The following UBAP1 variants were observed in gnomAD, a reference collection of about 807,000 sequenced individuals.
UBAP1 encodes ubiquitin-associated protein 1.
Under a neutral mutation model 39.0 loss-of-function variants are expected in UBAP1, and 5 were observed. The ratio of observed to expected loss-of-function variants is 0.13; its 90% CI spans 0.07 to 0.27. The LOEUF is 0.27. Ranked by LOEUF, UBAP1 falls within the 10% of genes least tolerant of loss-of-function variation. The pLI is 1.00. For synonymous variants in UBAP1, 211 were observed against 225.1 expected, an observed-to-expected ratio of 0.94 and a Z score of 0.56; for missense variants, 490 against 608.1, an observed-to-expected ratio of 0.81 and a Z score of 2.04.
chr9:34,185,559 A>G (rs907205216), intron 1 of UBAP1, among the ~76,000 whole-genome samples: 1 of 151,716 alleles, frequency 6.6e-6, no homozygotes, highest in Admixed American at 6.6e-5. Context: ...AAAAGAAATA[A>G]TCTCGGGCGG....
rs181247685 is a variant in UBAP1, at chr9:34,181,573, C to T, written c.-8+2333C>T. 3.5e-3 allele frequency among the ~76,000 whole-genome samples: 528 copies of T among 150,500 alleles called. 23 individuals are homozygous for T. The highest frequency in any genetic ancestry group is 0.013 in the African/African-American group (509 of 40,578). ...TCAGCCTCCTGAGTAGCTGGGACTA[C>T]GGGCTCCCGCCACCACGCCCGGCTA... On this transcript the variant is annotated intron_variant, in intron 1 of 6. Coordinates refer to ENST00000297661, the MANE Select transcript of UBAP1 (RefSeq NM_016525.5).
chr9:34,251,694 A>G lies in UBAP1; in HGVS notation c.*162A>G, dbSNP rs2131641071. 1 of 774,386 alleles carries G rather than the reference A, an allele frequency of 1.3e-6. No homozygotes were observed. The highest frequency in any genetic ancestry group is 2.0e-6 in the Non-Finnish European group (1 of 498,850). 48.0% of individuals were successfully genotyped at this position (774,386 alleles called of 1,614,324 possible). ...CCAGTCTCTGTGAGCCTAGGCCCTG[A>G]GCTGGGGAGGTGGGGAAGATTCGGG... is the stretch of plus-strand genomic sequence containing the variant. On this transcript the variant is annotated 3_prime_UTR_variant, in exon 7 of 7. Transcript: ENST00000297661.
At chr9:34,215,690 TAAA>T (rs531313913) in intron 1 of UBAP1, among the ~76,000 whole-genome samples, 2 of 150,868 alleles carry the variant, frequency 1.3e-5, no homozygotes, top group Admixed American at 6.6e-5. Flanking sequence ...AAATAAATAA[TAAA>T]AAAAGGGTTT....
At chr9:34,241,116 G>GTGAAT in intron 3 of UBAP1, 69 bp from the exon 4 acceptor site, 1 of 1,150,216 alleles carries the variant, frequency 8.7e-7, no homozygotes, top group Non-Finnish European at 1.2e-6. Context: ...TGAGGAAGGA[G>GTGAAT]TGAATTGGGT....
intron 2 of UBAP1, among the ~76,000 whole-genome samples, chr9:34,225,675 G>T (rs1833007962): frequency 6.6e-6 from 1 of 151,698 alleles, no homozygotes; most frequent in Non-Finnish European, 1.5e-5. Context: ...AGCTACTTGG[G>T]AGGCTGAGGC....
intron 2 of UBAP1, among the ~76,000 whole-genome samples, chr9:34,223,759 G>A: frequency 6.6e-6 from 1 of 152,272 alleles, no homozygotes; most frequent in South Asian, 2.1e-4. Context: ...CCGGCCCAAA[G>A]TGTTATTGTT....
chr9:34,193,204 G>GA (rs1830832595), intron 1 of UBAP1, among the ~76,000 whole-genome samples: 1 of 152,070 alleles, frequency 6.6e-6, no homozygotes. Flanking sequence ...CAGTTACTCA[G>GA]GGGGGCTGAG....
chr9:34,248,734 A>G (rs781602935), intron 4 of UBAP1, among the ~76,000 whole-genome samples: 2 of 152,208 alleles, frequency 1.3e-5, no homozygotes, highest in Non-Finnish European at 2.9e-5. Flanking sequence ...GACTTTGAGG[A>G]GAGCATCTGG....
At chr9:34,183,324 A>G (rs1027850325) in intron 1 of UBAP1, among the ~76,000 whole-genome samples, 31 of 151,490 alleles carry the variant, frequency 2.0e-4, no homozygotes, top group Admixed American at 2.0e-3. Flanking sequence ...CGGGCGGATC[A>G]TGAGGTCAGG....
At chr9:34,179,276 G>A in intron 1 of UBAP1, 36 bp downstream of exon 1, 2 of 1,152,530 alleles carry the variant, frequency 1.7e-6, no homozygotes, top group Non-Finnish European at 1.1e-6. Flanking sequence ...GGGGGAAGAG[G>A]GGCGGAGTTG....
At chr9:34,231,953 G>T (rs138474783) in intron 2 of UBAP1, among the ~76,000 whole-genome samples, 1 of 151,986 alleles carries the variant, frequency 6.6e-6, no homozygotes, top group Admixed American at 6.5e-5. Context: ...TTCTTGCTCA[G>T]ACTCTCTGAA....
intron 1 of UBAP1, among the ~76,000 whole-genome samples, chr9:34,202,676 T>TGTGTGTGTGTCCCC (rs1554647595): frequency 1.4e-5 from 2 of 143,136 alleles, no homozygotes; most frequent in African/African-American, 5.1e-5. Context: ...TGTGTGTGTG[T>TGTGTGTGTGTCCCC]GTCCCCGTCC....
intron 2 of UBAP1, among the ~76,000 whole-genome samples, chr9:34,228,421 A>G (rs1288501112): frequency 2.0e-5 from 3 of 151,194 alleles, no homozygotes; most frequent in Non-Finnish European, 4.4e-5. Flanking sequence ...TCATCTCAAA[A>G]AAAAAAAAAA....
At chr9:34,249,433 G>A (rs528330721) in intron 4 of UBAP1, among the ~76,000 whole-genome samples, 4 of 152,220 alleles carry the variant, frequency 2.6e-5, no homozygotes, top group South Asian at 4.1e-4. Context: ...CATCAGTCCC[G>A]GGGGCAGCCA....
Position 34,241,898 on chromosome 9 carries a change from C to T in UBAP1, c.873C>T (p.Ser291=). Residue 291 remains serine, a synonymous_variant, in exon 4 of 7, where the codon TCC becomes TCT. Coordinates refer to ENST00000297661, the MANE Select transcript of UBAP1 (RefSeq NM_016525.5). ...TGGCGAGCACTTTCCATAGCACATC[C>T]TGCCTCCGCAATGGCACGTTCCAGA... ...AKLASTFHST[S]CLRNGTFQNS... The T allele has an allele frequency of 6.2e-7, 1 of 1,614,206 alleles. No homozygotes were observed. The highest frequency in any genetic ancestry group is 8.5e-7 in the Non-Finnish European group (1 of 1,180,040).
chr9:34,224,268 A>G (rs1462879966), intron 2 of UBAP1: 9 of 469,850 alleles, frequency 1.9e-5, no homozygotes, highest in Non-Finnish European at 3.5e-5. Flanking sequence ...GCATAGTGGG[A>G]CTCGTACCAC....
At chr9:34,182,841 G>A (rs112553997) in intron 1 of UBAP1, among the ~76,000 whole-genome samples, 11,673 of 151,914 alleles carry the variant, frequency 0.077, 614 homozygotes, top group Non-Finnish European at 0.12. Flanking sequence ...CTCCTGAATA[G>A]CTGGGACTAC....
chr9:34,183,525 C>A (rs1830205320), intron 1 of UBAP1, among the ~76,000 whole-genome samples: 1 of 149,782 alleles, frequency 6.7e-6, no homozygotes, highest in Non-Finnish European at 1.5e-5. Context: ...TACACTCCAG[C>A]CTGGGCAACA....
intron 1 of UBAP1, among the ~76,000 whole-genome samples, chr9:34,214,842 A>G (rs568808769): frequency 6.6e-6 from 1 of 152,356 alleles, no homozygotes; most frequent in East Asian, 1.9e-4. Context: ...AGTTCTCAAA[A>G]GAGGATATAC....
Sources: allele counts gnomAD v4.1 joint callset (sites outside exome capture counted in the v4.1 genomes callset), GRCh38; gene constraint gnomAD v4.1.1; transcripts MANE v1.5; gene names NCBI Gene and HGNC (gene_info 2026-07-23, HGNC 2026-07-21).